Variants in PRKDC observed in about 807,000 individuals in gnomAD.
PRKDC encodes the protein DNA-dependent protein kinase catalytic subunit.
Under a neutral mutation model 486.9 loss-of-function variants are expected in PRKDC, and 82 were observed. The observed-to-expected ratio is 0.17, with a 90% CI of 0.14 to 0.20. PRKDC has a LOEUF of 0.20. Among genes scored for constraint, PRKDC ranks in the 10% least tolerant of loss-of-function variants. The pLI is 1.00. For missense variants in PRKDC, 4,504 were observed against 5,038.2 expected (o/e 0.89, Z 3.21); for synonymous variants, 1,895 against 1,837.0 (o/e 1.03, Z -0.81).
At chr8:47,896,448 C>A (rs1028842179) in intron 30 of PRKDC, among the ~76,000 whole-genome samples, 2 of 152,012 alleles carry the variant, frequency 1.3e-5, no homozygotes, top group East Asian at 1.9e-4. Context: ...CAGATAGAGA[C>A]CATCCTGGCT....
At chr8:47,821,023 T>C in intron 65 of PRKDC, 80 bp from the exon 66 acceptor site, 1 of 879,802 alleles carries the variant, frequency 1.1e-6, no homozygotes, top group East Asian at 2.8e-5. Flanking sequence ...ATTATATTCT[T>C]TGCTATACTT....
At chr8:47,834,864 G>T (rs1269501333) in intron 58 of PRKDC, among the ~76,000 whole-genome samples, 2 of 151,708 alleles carry the variant, frequency 1.3e-5, no homozygotes, top group Admixed American at 6.6e-5. Flanking sequence ...CTAATTTTTT[G>T]TATTTTTAGT....
In PRKDC at chr8:47,789,042, C is replaced by T; in HGVS notation, c.10766G>A (p.Ser3589Asn). 6.2e-7 allele frequency: 1 copy of T among 1,612,156 alleles called. No homozygotes were observed. Among genetic ancestry groups the T allele is most frequent in the Non-Finnish European group, 8.5e-7 (1 of 1,179,388 alleles). The change falls in exon 76 of 86, where the codon AGC (serine) becomes AAC (asparagine). Residue 3589 changes from serine (S) to asparagine (N), a missense_variant. By Grantham distance (46) the Ser-to-Asn change is conservative (BLOSUM62 1). Around this residue, in one of 6 missense-constraint regions of PRKDC, gnomAD observed 706 missense variants for 945.0 expected, o/e 0.75. Coordinates refer to ENST00000314191, the MANE Select transcript of PRKDC (RefSeq NM_006904.7). ...TGCTAGTTCAGCTCTTACATCATTG[C>T]TCCAATCCTGTCAGGGGAAAAAAAA... ...SNPELLFKDW[S>N]NDVRAELAKT... is the part of the protein sequence containing the mutation.
chr8:47,845,078 G>A (rs1023725804), intron 54 of PRKDC, among the ~76,000 whole-genome samples: 1 of 152,038 alleles, frequency 6.6e-6, no homozygotes, highest in Non-Finnish European at 1.5e-5. Context: ...TTAGCCAGGC[G>A]TGGTGGTGTG....
At chr8:47,936,021 G>A in intron 12 of PRKDC, 121 bp from the exon 13 acceptor site, 1 of 994,940 alleles carries the variant, frequency 1.0e-6, no homozygotes, top group Non-Finnish European at 1.4e-6. Context: ...AACATGGTTT[G>A]TCATCTAACC....
chr8:47,952,199 G>C (rs1450049440), intron 7 of PRKDC, among the ~76,000 whole-genome samples: 1 of 152,146 alleles, frequency 6.6e-6, no homozygotes, highest in East Asian at 1.9e-4. Flanking sequence ...AGAATAACCA[G>C]TAAGTAGAGG....
At chr8:47,819,590 AC>A in intron 66 of PRKDC, 80 bp from the exon 67 acceptor site, 1 of 668,672 alleles carries the variant, frequency 1.5e-6, no homozygotes, top group Non-Finnish European at 2.4e-6. Flanking sequence ...TAAGTTTTTA[AC>A]AGTACTCTAA....
intron 22 of PRKDC, among the ~76,000 whole-genome samples, chr8:47,916,038 T>C (rs962883076): frequency 1.3e-5 from 2 of 152,238 alleles, no homozygotes; most frequent in African/African-American, 4.8e-5. Flanking sequence ...GGAAACATCA[T>C]GTATTCCTCA....
chr8:47,783,579 G>T (rs1563732114), intron 78 of PRKDC, among the ~76,000 whole-genome samples, 163 bp downstream of exon 78: 2 of 151,478 alleles, frequency 1.3e-5, no homozygotes, highest in African/African-American at 4.9e-5. Context: ...AACAGGGCAA[G>T]ACTCCGTCTC....
intron 70 of PRKDC, among the ~76,000 whole-genome samples, chr8:47,801,487 T>C (rs1205375875): frequency 6.6e-6 from 1 of 152,234 alleles, no homozygotes; most frequent in Non-Finnish European, 1.5e-5. Flanking sequence ...AAAATGTTCT[T>C]TGTTAGAAGT....
At chr8:47,937,382 C>T (rs908344032) in intron 11 of PRKDC, among the ~76,000 whole-genome samples, 1 of 152,196 alleles carries the variant, frequency 6.6e-6, no homozygotes, top group Non-Finnish European at 1.5e-5. Context: ...ATGTTCTAGG[C>T]ACTGTTTAGA....
intron 36 of PRKDC, among the ~76,000 whole-genome samples, chr8:47,884,122 G>A (rs1239093604): frequency 6.6e-6 from 1 of 152,248 alleles, no homozygotes; most frequent in Non-Finnish European, 1.5e-5. Flanking sequence ...CTCTTTTCCT[G>A]ATGGTATCCA....
intron 7 of PRKDC, among the ~76,000 whole-genome samples, chr8:47,951,313 C>T (rs2090621040): frequency 6.6e-6 from 1 of 150,972 alleles, no homozygotes; most frequent in Non-Finnish European, 1.5e-5. Context: ...GAGAGCCATG[C>T]TAGCATCACT....
intron 21 of PRKDC, among the ~76,000 whole-genome samples, chr8:47,922,471 CA>C (rs5891258): frequency 3.4e-4 from 50 of 145,938 alleles, no homozygotes; most frequent in Admixed American, 9.6e-4. Context: ...TATTTCGTCT[CA>C]AAAAAAAAAA....
Position 47,915,368 on chromosome 8 carries a change from A to C in PRKDC, c.2577T>G (p.Leu859=). 1 of 1,569,420 alleles carries C rather than the reference A, an allele frequency of 6.4e-7. No individual in the cohort carries two copies. The highest frequency in any genetic ancestry group is 2.3e-5 in the East Asian group (1 of 44,088). Residue 859 remains leucine, a synonymous_variant, in exon 23 of 86, where the codon CTT becomes CTG. Coordinates refer to ENST00000314191, the MANE Select transcript of PRKDC (RefSeq NM_006904.7). ...EEIRIRVVQM[L]GSLGGQINKN... ...TGTTTATTTGTCCTCCTAGAGATCC[A>C]AGCATTTGTACTACTCTAATTCTTA...
chr8:47,804,308 T>A (rs904990948), intron 69 of PRKDC, among the ~76,000 whole-genome samples: 20 of 151,360 alleles, frequency 1.3e-4, no homozygotes, highest in South Asian at 2.1e-4. Flanking sequence ...TTTTTTTTTT[T>A]TTTTTTTTGA....
At position 47,887,758 on chromosome 8, in the gene PRKDC, AAAC is replaced by A; in HGVS notation, c.4414-56_4414-54del. 5.3e-6 allele frequency: 8 copies of A among 1,518,294 alleles called. No individual in the cohort carries two copies. In the South Asian group the frequency reaches 7.8e-5, roughly 15 times the overall value. 94.1% of individuals were successfully genotyped at this position (1,518,294 alleles called of 1,614,324 possible). On this transcript the variant is annotated intron_variant, in intron 34 of 85. Transcript: ENST00000314191. ...TAGCAAAAAGATATTTCTTAGAAAA[AAAC>A]AACTTCACTCCTCTCATTAAATAAA...
intron 76 of PRKDC, among the ~76,000 whole-genome samples, chr8:47,788,338 C>A (rs145636978): frequency 6.6e-6 from 1 of 152,354 alleles, no homozygotes; most frequent in East Asian, 1.9e-4. Flanking sequence ...GGGCTGACTG[C>A]AGTCTACTTG....
chr8:47,934,987 A>G (rs1432734568), intron 14 of PRKDC, 22 bp downstream of exon 14: 1 of 1,481,960 alleles, frequency 6.7e-7, no homozygotes, highest in Non-Finnish European at 9.2e-7. Flanking sequence ...TTAATTTTCT[A>G]AACATTAAAT....
Sources: gnomAD v4.1 joint callset for allele counts (sites outside exome capture counted in the v4.1 genomes callset) on GRCh38, gnomAD v4.1.1 for gene constraint, gnomAD v4.1.1 regional missense constraint, MANE v1.5 for transcripts, NCBI Gene and HGNC (gene_info 2026-07-23, HGNC 2026-07-21) for gene names.